PCDH10: variants seen among roughly 807,000 people sequenced by gnomAD.
The protein encoded by PCDH10 is protocadherin-10.
In PCDH10, 15 loss-of-function variants were observed where a neutral mutation model predicts 74.4. That is an observed-to-expected ratio of 0.20 (90% confidence interval 0.13 to 0.31). The LOEUF is 0.31. PCDH10 is among the 10% of genes least tolerant of loss of function. The pLI is 1.00. For synonymous variants in PCDH10, 619 were observed against 589.8 expected, an observed-to-expected ratio of 1.05 and a Z score of -0.72; for missense variants, 1,260 against 1,390.2, an observed-to-expected ratio of 0.91 and a Z score of 1.49.
At position 133,162,312 on chromosome 4, in the gene PCDH10, A is replaced by G. The variant is rs551058627; in HGVS notation, c.2798-665A>G. Reference sequence around the variant, plus strand: ...TAAATAATAAGTGGTTTTTAGTAATATGGACTACCAGAGTGTCATTGAGGA... The same window carrying G: ...TAAATAATAAGTGGTTTTTAGTAATGTGGACTACCAGAGTGTCATTGAGGA... On this transcript the variant is annotated intron_variant, in intron 3 of 4. Transcript: ENST00000264360. Among the ~76,000 whole-genome samples, 34 of 152,282 alleles carry G rather than the reference A, an allele frequency of 2.2e-4. No individual in the cohort carries two copies. In the South Asian group the frequency reaches 6.6e-3, roughly 30 times the overall value.
Position 133,150,299 on chromosome 4 carries a change from T to C in PCDH10, c.159T>C (p.Phe53=), listed in dbSNP as rs761741894. The C allele has an allele frequency of 6.2e-7, 1 of 1,613,738 alleles. No individual in the cohort carries two copies. The highest frequency in any genetic ancestry group is 8.5e-7 in the Non-Finnish European group (1 of 1,179,944). ...LDITKLSARG[F]QTVPNSRTPY... is the part of the protein sequence containing the mutation. ...TTACAAAACTTTCGGCTCGCGGGTTTCAGACGGTGCCCAACTCAAGGACCC... is the reference window on the plus strand; with the variant it reads ...TTACAAAACTTTCGGCTCGCGGGTTCCAGACGGTGCCCAACTCAAGGACCC... The change falls in exon 1 of 5, where the codon TTT becomes TTC. Residue 53 remains phenylalanine, a synonymous_variant. Transcript: ENST00000264360.
chr4:133,197,181 C>T (rs959605542), downstream of PCDH10, among the ~76,000 whole-genome samples: 1 of 152,162 alleles, frequency 6.6e-6, no homozygotes, highest in South Asian at 2.1e-4. Context: ...TTGAAAAATA[C>T]ATGTGTATGT....
At chr4:133,184,842 C>T (rs1727510500) in intron 4 of PCDH10, among the ~76,000 whole-genome samples, 1 of 144,200 alleles carries the variant, frequency 6.9e-6, no homozygotes. Context: ...TACCTTCTCA[C>T]AAGGCAATAG....
At chr4:133,160,109 C>A (rs1047652282) in intron 3 of PCDH10, among the ~76,000 whole-genome samples, 28 of 151,790 alleles carry the variant, frequency 1.8e-4, no homozygotes, top group Non-Finnish European at 3.8e-4. Context: ...ATTAATTTTT[C>A]TGTTACTTAT....
chr4:133,170,347 CTA>C (rs1246855972), intron 4 of PCDH10, among the ~76,000 whole-genome samples: 1 of 151,402 alleles, frequency 6.6e-6, no homozygotes, highest in African/African-American at 2.4e-5. Flanking sequence ...GGTAAAGTGT[CTA>C]TATATATATA....
intron 4 of PCDH10, among the ~76,000 whole-genome samples, chr4:133,185,685 C>T (rs1332554544): frequency 6.6e-6 from 1 of 152,096 alleles, no homozygotes; most frequent in Non-Finnish European, 1.5e-5. Context: ...GGTTACTGAT[C>T]GCAGCCTCTG....
At chr4:133,182,577 A>G (rs1311674838) in intron 4 of PCDH10, among the ~76,000 whole-genome samples, 1 of 152,132 alleles carries the variant, frequency 6.6e-6, no homozygotes, top group Non-Finnish European at 1.5e-5. Context: ...CACAATTTCC[A>G]TATTTTAGTG....
At chr4:133,155,094 G>C (rs535768256) in intron 3 of PCDH10, 71 bp downstream of exon 3, 1 of 1,041,592 alleles carries the variant, frequency 9.6e-7, no homozygotes, top group Non-Finnish European at 1.5e-6. Flanking sequence ...AACGTAGGAA[G>C]GATGATGTCC....
chr4:133,150,737 C>T lies in PCDH10; in HGVS notation c.597C>T (p.Tyr199=). 1.9e-6 allele frequency: 3 copies of T among 1,549,352 alleles called. No individual in the cohort carries two copies. Among genetic ancestry groups the T allele is most frequent in the Non-Finnish European group, 2.6e-6 (3 of 1,143,438 alleles). The part of the protein sequence containing the change: ...LDREQQAVHR[Y]VLTAVDGGGG... ...GAGAGCAGCAAGCGGTGCACCGCTACGTGCTGACCGCGGTGGACGGAGGAG... is the reference window on the plus strand; with the variant it reads ...GAGAGCAGCAAGCGGTGCACCGCTATGTGCTGACCGCGGTGGACGGAGGAG... Residue 199 remains tyrosine, a synonymous_variant, in exon 1 of 5, where the codon TAC becomes TAT. Coordinates refer to ENST00000264360, the MANE Select transcript of PCDH10 (RefSeq NM_032961.3).
intron 3 of PCDH10, among the ~76,000 whole-genome samples, chr4:133,159,630 A>G (rs1251505663): frequency 6.6e-6 from 1 of 151,946 alleles, no homozygotes; most frequent in Non-Finnish European, 1.5e-5. Flanking sequence ...AATCCAGACT[A>G]CACCACCATA....
intron 4 of PCDH10, among the ~76,000 whole-genome samples, chr4:133,168,422 C>A (rs533324711): frequency 2.0e-5 from 3 of 151,358 alleles, no homozygotes; most frequent in Admixed American, 6.6e-5. Context: ...AGTTAAAGAA[C>A]AATTTCATAG....
In PCDH10 at chr4:133,191,487, G is replaced by T. The variant is rs1578578169; in HGVS notation, c.*1327G>T. On this transcript the variant is annotated 3_prime_UTR_variant, in exon 5 of 5. Coordinates refer to ENST00000264360, the MANE Select transcript of PCDH10 (RefSeq NM_032961.3). The stretch of plus-strand genomic sequence containing the variant: ...TAAATGTAGTCAGTGTTTGATTAAT[G>T]AAAAAATTCTTCATGAGTCAGCCTT... 6.6e-6 allele frequency: 1 copy of T among 152,148 alleles called. No homozygotes were observed. 9.4% of individuals were successfully genotyped at this position (152,148 alleles called of 1,614,324 possible).
At chr4:133,164,255 C>T (rs1161452101) in intron 4 of PCDH10, among the ~76,000 whole-genome samples, 3 of 151,884 alleles carry the variant, frequency 2.0e-5, no homozygotes. Context: ...AATTTGGATG[C>T]TAATGTCTTA....
At chr4:133,189,506 T>C (rs937256450) in intron 4 of PCDH10, among the ~76,000 whole-genome samples, 2 of 152,070 alleles carry the variant, frequency 1.3e-5, no homozygotes, top group African/African-American at 4.8e-5. Context: ...GATAATATCT[T>C]TCTCCCCTTT....
intron 4 of PCDH10, among the ~76,000 whole-genome samples, chr4:133,174,409 G>A (rs537641803): frequency 6.6e-6 from 1 of 151,782 alleles, no homozygotes; most frequent in African/African-American, 2.4e-5. Context: ...TAATCAAATG[G>A]AAAACTTATG....
At position 133,163,171 on chromosome 4, in the gene PCDH10, C is replaced by T. The variant is rs747104577; in HGVS notation, c.2992C>T (p.Arg998Trp). The T allele has an allele frequency of 1.9e-6, 3 of 1,614,090 alleles. No homozygotes were observed. The highest frequency in any genetic ancestry group is 1.1e-5 in the South Asian group (1 of 91,080). Residue 998 changes from arginine to tryptophan, a missense_variant, in exon 4 of 5, where the codon CGG becomes TGG. This residue lies in a region of PCDH10 where 136 missense variants were observed against 149.3 expected (regional missense o/e 0.91). Coordinates refer to ENST00000264360, the MANE Select transcript of PCDH10 (RefSeq NM_032961.3). ...ETPEAQPGAE[R>W]SFSTFGKEKA... ...TCCAGAAGCCCAGCCTGGGGCAGAG[C>T]GGTCCTTTTCCACCTTTGGCAAAGA... is the stretch of plus-strand genomic sequence containing the variant.
At chr4:133,170,620 G>A (rs563706936) in intron 4 of PCDH10, among the ~76,000 whole-genome samples, 14 of 152,112 alleles carry the variant, frequency 9.2e-5, no homozygotes, top group Non-Finnish European at 1.9e-4. Flanking sequence ...ATTATCAGAA[G>A]CTGTTAACAT....
downstream of PCDH10, among the ~76,000 whole-genome samples, chr4:133,195,553 A>C (rs1727779158): frequency 6.6e-6 from 1 of 152,118 alleles, no homozygotes; most frequent in Non-Finnish European, 1.5e-5. Flanking sequence ...ATTAAATTGT[A>C]TTAGATTACA....
downstream of PCDH10, among the ~76,000 whole-genome samples, chr4:133,198,787 AGCAAGCTTCTAGCT>A (rs1411899675): frequency 6.6e-6 from 1 of 152,200 alleles, no homozygotes; most frequent in African/African-American, 2.4e-5. Flanking sequence ...TGAGGTGGGA[AGCAAGCTTCTAGCT>A]GCAAATCAGT....
Sources: allele counts gnomAD v4.1 joint callset (sites outside exome capture counted in the v4.1 genomes callset), GRCh38; gene constraint gnomAD v4.1.1; regional missense constraint gnomAD v4.1.1; transcripts MANE v1.5; gene names NCBI Gene and HGNC (gene_info 2026-07-23, HGNC 2026-07-21).